NRG2: variants seen among roughly 807,000 people sequenced by gnomAD.
NRG2 encodes neuregulin 2.
In NRG2, 27 loss-of-function variants were observed where a neutral mutation model predicts 73.9. The ratio of observed to expected loss-of-function variants is 0.37; its 90% confidence interval spans 0.27 to 0.50. NRG2 has a LOEUF of 0.50. Ranked by LOEUF, NRG2 falls within the 20% of genes least tolerant of loss-of-function variation. The probability of loss-of-function intolerance (pLI) is 0.96; values close to 1 mark genes in which losing one functional copy is unlikely to be tolerated. For missense variants in NRG2, 1,126 were observed against 1,210.1 expected (o/e 0.93, Z 1.03); for synonymous variants, 532 against 541.0 (o/e 0.98, Z 0.23).
intron 2 of NRG2, among the ~76,000 whole-genome samples, chr5:139,883,160 G>A (rs1763641824): frequency 6.6e-6 from 1 of 152,096 alleles, no homozygotes; most frequent in South Asian, 2.1e-4. Flanking sequence ...GGCAGGCCGC[G>A]TGCTGTGCTC....
chr5:139,881,607 A>T (rs1763531069), intron 2 of NRG2, among the ~76,000 whole-genome samples: 1 of 152,214 alleles, frequency 6.6e-6, no homozygotes. Context: ...TTGGGGAACA[A>T]AAAGATCCTG....
intron 1 of NRG2, among the ~76,000 whole-genome samples, chr5:139,900,605 T>G (rs1385618291): frequency 6.6e-6 from 1 of 152,244 alleles, no homozygotes; most frequent in African/African-American, 2.4e-5. Context: ...TGTTTTGTTT[T>G]TTCCTAAGCC....
At position 140,042,983 on chromosome 5, in the gene NRG2, G is replaced by C. The variant is rs1762075389; in HGVS notation, c.87C>G (p.Ser29Arg). The change falls in exon 1 of 10, where the codon AGC becomes AGG. Residue 29 changes from serine to arginine, a missense_variant. Coordinates refer to ENST00000361474, the MANE Select transcript of NRG2 (RefSeq NM_004883.3). The part of the protein sequence containing the change: ...CSSYSDSSSS[S>R]SERSSSSSSS... ...TGCTGCTGCTGCTGCTCCTCTCGCT[G>C]CTGCTGCTGCTGCTGTCGCTGTAGC... The C allele has an allele frequency of 7.1e-6, 11 of 1,551,846 alleles. No homozygotes were observed. Among genetic ancestry groups the C allele is most frequent in the Non-Finnish European group, 7.8e-6 (9 of 1,151,902 alleles).
At chr5:139,973,950 T>A (rs1756181307) in intron 1 of NRG2, among the ~76,000 whole-genome samples, 1 of 152,338 alleles carries the variant, frequency 6.6e-6, no homozygotes, top group Non-Finnish European at 1.5e-5. Flanking sequence ...CCAGAATCTT[T>A]AGTTTTGTTG....
intron 1 of NRG2, among the ~76,000 whole-genome samples, chr5:139,918,448 C>T (rs1395442876): frequency 2.0e-5 from 3 of 152,074 alleles, no homozygotes; most frequent in Non-Finnish European, 4.4e-5. Context: ...TCTTTGTGTA[C>T]CCTTTTACAG....
At chr5:139,923,395 C>T (rs1272585438) in intron 1 of NRG2, among the ~76,000 whole-genome samples, 1 of 152,050 alleles carries the variant, frequency 6.6e-6, no homozygotes, top group South Asian at 2.1e-4. Context: ...TGGGGATAGC[C>T]CTGAAGTGCA....
chr5:139,966,865 C>A (rs953947966), intron 1 of NRG2, among the ~76,000 whole-genome samples: 2 of 152,156 alleles, frequency 1.3e-5, no homozygotes, highest in Non-Finnish European at 2.9e-5. Context: ...TCAGAGCATA[C>A]CTGCTCATGC....
At chr5:139,924,440 C>A (rs1751901568) in intron 1 of NRG2, among the ~76,000 whole-genome samples, 1 of 152,224 alleles carries the variant, frequency 6.6e-6, no homozygotes, top group South Asian at 2.1e-4. Flanking sequence ...GATGGAATTA[C>A]TCAACCGGCT....
chr5:140,017,611 A>G (rs1212342534), intron 1 of NRG2, among the ~76,000 whole-genome samples: 1 of 152,166 alleles, frequency 6.6e-6, no homozygotes, highest in Non-Finnish European at 1.5e-5. Flanking sequence ...GCAATGAAAC[A>G]TGTACATTAG....
chr5:140,025,053 G>A (rs749813221), intron 1 of NRG2, among the ~76,000 whole-genome samples: 1 of 152,114 alleles, frequency 6.6e-6, no homozygotes, highest in Non-Finnish European at 1.5e-5. Context: ...GTGGACTGAG[G>A]CTGAACCCAG....
chr5:139,978,132 G>T (rs1756515834), intron 1 of NRG2, among the ~76,000 whole-genome samples: 1 of 152,148 alleles, frequency 6.6e-6, no homozygotes, highest in Non-Finnish European at 1.5e-5. Flanking sequence ...CACAGCAAAA[G>T]AAACTACCAT....
chr5:139,974,749 C>T (rs773246078), intron 1 of NRG2, among the ~76,000 whole-genome samples: 1 of 152,168 alleles, frequency 6.6e-6, no homozygotes, highest in African/African-American at 2.4e-5. Context: ...CACCCAGCCT[C>T]GGGACCAACT....
chr5:140,001,015 C>T (rs1362568287), intron 1 of NRG2, among the ~76,000 whole-genome samples: 1 of 152,170 alleles, frequency 6.6e-6, no homozygotes. Context: ...ACCCTCACGC[C>T]CCATGTTCTA....
intron 1 of NRG2, among the ~76,000 whole-genome samples, chr5:139,934,008 G>A (rs950902913): frequency 1.3e-5 from 2 of 152,280 alleles, no homozygotes; most frequent in South Asian, 4.2e-4. Context: ...AGATCAGCCT[G>A]GAAAACATGG....
chr5:139,924,230 G>A (rs188655022), intron 1 of NRG2, among the ~76,000 whole-genome samples: 4 of 152,308 alleles, frequency 2.6e-5, no homozygotes, highest in Non-Finnish European at 4.4e-5. Context: ...AAGAATCTCC[G>A]GGGGGATTGC....
chr5:139,958,620 T>G (rs2126491676), intron 1 of NRG2, among the ~76,000 whole-genome samples: 1 of 152,232 alleles, frequency 6.6e-6, no homozygotes, highest in Non-Finnish European at 1.5e-5. Context: ...CTCTAGGCCA[T>G]GACCAAATAT....
chr5:139,919,967 G>T (rs929315017), intron 1 of NRG2, among the ~76,000 whole-genome samples: 3 of 152,192 alleles, frequency 2.0e-5, no homozygotes, highest in African/African-American at 7.2e-5. Flanking sequence ...CTGTAAACTT[G>T]CTTAGGTTCA....
At chr5:139,953,037 C>T (rs986028213) in intron 1 of NRG2, among the ~76,000 whole-genome samples, 1 of 152,118 alleles carries the variant, frequency 6.6e-6, no homozygotes, top group Non-Finnish European at 1.5e-5. Flanking sequence ...AAAAAGAGGC[C>T]TCAATAAAGA....
intron 1 of NRG2, 74 bp downstream of exon 1, chr5:140,042,296 C>T: frequency 1.7e-6 from 2 of 1,179,586 alleles, no homozygotes; most frequent in East Asian, 6.3e-5. Flanking sequence ...CCTGCAGCAC[C>T]TCCCCGCCCC....
Sources: gnomAD v4.1 joint callset for allele counts (sites outside exome capture counted in the v4.1 genomes callset) on GRCh38, gnomAD v4.1.1 for gene constraint, MANE v1.5 for transcripts, NCBI Gene and HGNC (gene_info 2026-07-23, HGNC 2026-07-21) for gene names.